The following BCL2 variants were observed in gnomAD, a reference collection of about 807,000 sequenced individuals.
BCL2 encodes BCL2 apoptosis regulator.
BCL2 carries 1 observed loss-of-function variant against 14.2 expected under a neutral mutation model. The observed-to-expected ratio is 0.07, with a 90% CI of 0.02 to 0.33. The LOEUF (loss-of-function observed/expected upper bound fraction) is 0.33, where lower values mean the gene tolerates loss of function less well. Among genes scored for constraint, BCL2 ranks in the 10% least tolerant of loss-of-function variants. The probability of loss-of-function intolerance (pLI) is 0.99; values close to 1 mark genes in which losing one functional copy is unlikely to be tolerated. For missense variants in BCL2, 247 were observed against 305.9 expected (o/e 0.81, Z 1.44); for synonymous variants, 151 against 137.2 (o/e 1.10, Z -0.70).
At chr18:63,255,700 G>A (rs1911453219) in intron 2 of BCL2, among the ~76,000 whole-genome samples, 1 of 152,074 alleles carries the variant, frequency 6.6e-6, no homozygotes, top group Admixed American at 6.5e-5. Flanking sequence ...AAAAACATGG[G>A]AAGACAATAT....
At position 63,128,769 on chromosome 18, in the gene BCL2, G is replaced by C. The variant is rs749459180; in HGVS notation, c.586-10C>G. On this transcript the variant is annotated splice_polypyrimidine_tract_variant and intron_variant, in intron 2 of 2. Transcript: ENST00000333681. ...GTTCCACAAAGGCATCCTGCAGTTG[G>C]GGGAGAGGAGGGAAGAAAAAGAAAG... 9.1e-5 allele frequency: 71 copies of C among 778,292 alleles called. No homozygotes were observed. The highest frequency in any genetic ancestry group is 2.2e-5 in the Non-Finnish European group (9 of 417,016). 48.2% of individuals were successfully genotyped at this position (778,292 alleles called of 1,614,324 possible).
At chr18:63,314,207 G>C (rs541764463) in intron 2 of BCL2, 1 of 152,292 alleles carries the variant, frequency 6.6e-6, no homozygotes, top group East Asian at 1.9e-4. Context: ...TATTATTTAA[G>C]ACTAGATCAT....
chr18:63,219,569 G>A (rs2077335802), intron 2 of BCL2, among the ~76,000 whole-genome samples: 1 of 148,556 alleles, frequency 6.7e-6, no homozygotes, highest in South Asian at 2.1e-4. Context: ...CAATTCTCCT[G>A]TCTCAGCCTC....
chr18:63,297,253 TG>T (rs1463202673), intron 2 of BCL2, among the ~76,000 whole-genome samples: 2 of 152,164 alleles, frequency 1.3e-5, no homozygotes, highest in Non-Finnish European at 2.9e-5. Flanking sequence ...GAACCACATA[TG>T]TAATTTTAAA....
At chr18:63,247,507 T>C (rs1205712994) in intron 2 of BCL2, among the ~76,000 whole-genome samples, 1 of 152,050 alleles carries the variant, frequency 6.6e-6, no homozygotes, top group Non-Finnish European at 1.5e-5. Context: ...CACAATAGGA[T>C]CTTGGTACTT....
intron 2 of BCL2, among the ~76,000 whole-genome samples, chr18:63,255,613 C>G (rs953199591): frequency 6.6e-6 from 1 of 152,154 alleles, no homozygotes; most frequent in Non-Finnish European, 1.5e-5. Flanking sequence ...CCTTTTCTCA[C>G]TTTGCAATTG....
At chr18:63,255,135 T>C (rs1016031246) in intron 2 of BCL2, among the ~76,000 whole-genome samples, 1 of 152,188 alleles carries the variant, frequency 6.6e-6, no homozygotes, top group East Asian at 1.9e-4. Context: ...ATTTTACTGA[T>C]GGCATGGCTG....
At chr18:63,249,692 A>G (rs1410108304) in intron 2 of BCL2, among the ~76,000 whole-genome samples, 1 of 137,010 alleles carries the variant, frequency 7.3e-6, no homozygotes, top group Non-Finnish European at 1.5e-5. Context: ...CCTGGGTGAC[A>G]GAGTAAGACT....
rs565488881 is a variant in BCL2 at position 63,225,467 on chromosome 18, T to C, written c.585+92615A>G. 1.2e-4 allele frequency among the ~76,000 whole-genome samples: 19 copies of C among 152,356 alleles called. No homozygotes were observed. In the East Asian group the frequency reaches 2.5e-3, roughly 20 times the overall value. On this transcript the variant is annotated intron_variant, in intron 2 of 2. Transcript: ENST00000333681. ...AAAGCTAAAATATACAAAGTTATAT[T>C]CTTTGAGAATAGGGACTGGGGTAAG...
In BCL2 at chr18:63,318,432, C is replaced by T. The variant is rs766196038; in HGVS notation, c.235G>A (p.Gly79Ser). 1 of 1,473,618 alleles carries T rather than the reference C, an allele frequency of 6.8e-7. No homozygotes were observed. Among genetic ancestry groups the T allele is most frequent in the East Asian group, 2.5e-5 (1 of 39,538 alleles). The allele number at this position is 1,473,618 out of a possible 1,614,324, so 91.3% of individuals were successfully genotyped here. A position where few individuals can be genotyped will look rare whatever the true frequency, so the allele number is the denominator to read the frequency against. The change falls in exon 2 of 3, where the codon GGC becomes AGC. Residue 79 changes from glycine (G) to serine (S), a missense_variant. Gly to Ser is a moderately conservative substitution (Grantham distance 56, BLOSUM62 0). This residue lies in a region of BCL2 where 144 missense variants were observed against 135.3 expected (regional missense o/e 1.06). Transcript: ENST00000333681. The surrounding 1 kb of genome is among the most constrained non-coding windows in gnomAD (Gnocchi z 7.4). Reference sequence around the variant, plus strand: ...CTGAGCGCAGGCCCCGCGGCGGCGCCGGGGGCAGCCGGGGTCTGCAGCGGC... The same window carrying T: ...CTGAGCGCAGGCCCCGCGGCGGCGCTGGGGGCAGCCGGGGTCTGCAGCGGC... Reference protein sequence around the residue: ...TSPLQTPAAPGAAAGPALSPV... With the variant: ...TSPLQTPAAPSAAAGPALSPV...
intron 2 of BCL2, among the ~76,000 whole-genome samples, chr18:63,281,308 C>T (rs141672700): frequency 1.2e-3 from 188 of 152,118 alleles, no homozygotes; most frequent in African/African-American, 4.2e-3. Context: ...CACTGAAAAA[C>T]GGTTAACATG....
At chr18:63,244,542 G>T (rs1247745014) in intron 2 of BCL2, among the ~76,000 whole-genome samples, 1 of 152,156 alleles carries the variant, frequency 6.6e-6, no homozygotes, top group African/African-American at 2.4e-5. Context: ...CTGGGTGACA[G>T]AGCAAGACTG....
intron 2 of BCL2, among the ~76,000 whole-genome samples, chr18:63,200,851 G>A (rs1043450910): frequency 2.6e-5 from 4 of 152,078 alleles, no homozygotes; most frequent in Non-Finnish European, 5.9e-5. Context: ...TTGAACTCCT[G>A]GGCTCAAGTG....
chr18:63,271,167 C>T (rs1016533702), intron 2 of BCL2, among the ~76,000 whole-genome samples: 38 of 152,284 alleles, frequency 2.5e-4, no homozygotes, highest in African/African-American at 8.9e-4. Context: ...GCCAAGATTG[C>T]TCTTTTTTAA....
chr18:63,308,575 G>A (rs979917885), intron 2 of BCL2, among the ~76,000 whole-genome samples: 1 of 152,124 alleles, frequency 6.6e-6, no homozygotes, highest in Non-Finnish European at 1.5e-5. Context: ...ATCTATATTA[G>A]CATTAAGGAC....
At chr18:63,300,464 C>CTGTGTG (rs776497748) in intron 2 of BCL2, among the ~76,000 whole-genome samples, 3 of 142,114 alleles carry the variant, frequency 2.1e-5, no homozygotes, top group Non-Finnish European at 3.2e-5. Context: ...CTCTCTCTCT[C>CTGTGTG]TCTGTGTGTG....
intron 2 of BCL2, among the ~76,000 whole-genome samples, chr18:63,197,989 G>A (rs1909495645): frequency 6.6e-6 from 1 of 152,140 alleles, no homozygotes; most frequent in Non-Finnish European, 1.5e-5. Flanking sequence ...TCATAAGGTG[G>A]ATTTTATTTG....
chr18:63,199,928 G>A (rs995972277), intron 2 of BCL2, among the ~76,000 whole-genome samples: 6 of 150,694 alleles, frequency 4.0e-5, no homozygotes, highest in Non-Finnish European at 8.9e-5. Context: ...AAAACAACGC[G>A]CACACATGCA....
chr18:63,135,292 G>GC (rs1456994328), intron 2 of BCL2, among the ~76,000 whole-genome samples: 1 of 152,050 alleles, frequency 6.6e-6, no homozygotes, highest in East Asian at 1.9e-4. Flanking sequence ...CTTCCTCTCT[G>GC]CCCCAACTTG....
Sources: allele counts gnomAD v4.1 joint callset (sites outside exome capture counted in the v4.1 genomes callset), GRCh38; gene constraint gnomAD v4.1.1; regional missense constraint gnomAD v4.1.1; non-coding constraint Gnocchi (gnomAD v3.1); transcripts MANE v1.5; gene names NCBI Gene and HGNC (gene_info 2026-07-23, HGNC 2026-07-21).